The following DNAH17 variants were observed in gnomAD, a reference collection of about 807,000 sequenced individuals.
DNAH17 encodes dynein axonemal heavy chain 17.
A neutral mutation model predicts 485.6 loss-of-function variants in DNAH17; 376 were observed. The observed-to-expected ratio is 0.77, with a 90% confidence interval of 0.71 to 0.84. The LOEUF (loss-of-function observed/expected upper bound fraction) is 0.84. DNAH17 is among the 40% of genes least tolerant of loss of function. The pLI is 0.00. For synonymous variants in DNAH17, 3,031 were observed against 2,405.9 expected, an observed-to-expected ratio of 1.26 and a Z score of -7.60; for missense variants, 6,370 against 5,839.3, an observed-to-expected ratio of 1.09 and a Z score of -2.96.
intron 48 of DNAH17, among the ~76,000 whole-genome samples, chr17:78,482,665 G>A (rs1568126872): frequency 1.3e-5 from 2 of 152,020 alleles, no homozygotes; most frequent in South Asian, 4.1e-4. Context: ...CTTTCCCTGC[G>A]GGCCCATCCT....
At chr17:78,556,634 A>G (rs1279600050) in intron 14 of DNAH17, among the ~76,000 whole-genome samples, 2 of 152,140 alleles carry the variant, frequency 1.3e-5, no homozygotes, top group East Asian at 3.9e-4. Context: ...TGGTGTCTAG[A>G]AGGAGGACAA....
intron 13 of DNAH17, among the ~76,000 whole-genome samples, chr17:78,559,494 A>G (rs1227054215): frequency 6.6e-6 from 1 of 152,194 alleles, no homozygotes; most frequent in African/African-American, 2.4e-5. Flanking sequence ...ATTCAAGTCC[A>G]GAAGCTCACC....
intron 54 of DNAH17, among the ~76,000 whole-genome samples, chr17:78,472,061 C>T (rs572416318): frequency 1.3e-5 from 2 of 152,344 alleles, no homozygotes; most frequent in African/African-American, 2.4e-5. Context: ...CGGCAATCGT[C>T]ACCTGTATCT....
rs1398205517 is a variant in DNAH17 at position 78,537,619 on chromosome 17, C to T, written c.2677-138G>A. ...CTGGGAAGCTTCTGAGAGCTCGTGTCTCAGCGCACCCCGCTCCTTGAGCAA... is the reference window on the plus strand; with the variant it reads ...CTGGGAAGCTTCTGAGAGCTCGTGTTTCAGCGCACCCCGCTCCTTGAGCAA... On this transcript the variant is annotated intron_variant, in intron 18 of 80. Coordinates refer to ENST00000389840, the MANE Select transcript of DNAH17 (RefSeq NM_173628.4). 1.8e-5 allele frequency: 19 copies of T among 1,035,090 alleles called. No individual in the cohort carries two copies. The East Asian group carries it at 5.0e-4, about 27-fold the overall frequency. The allele number at this position is 1,035,090 out of a possible 1,614,324, so 64.1% of individuals were successfully genotyped here.
At chr17:78,551,118 T>C (rs1486346425) in intron 16 of DNAH17, among the ~76,000 whole-genome samples, 1 of 152,124 alleles carries the variant, frequency 6.6e-6, no homozygotes, top group East Asian at 1.9e-4. Context: ...TTTTTGCACA[T>C]TAGAGCATCA....
At chr17:78,531,380 C>G (rs2091234149) in intron 20 of DNAH17, among the ~76,000 whole-genome samples, 1 of 144,848 alleles carries the variant, frequency 6.9e-6, no homozygotes, top group South Asian at 2.2e-4. Flanking sequence ...TGCTCTGTCA[C>G]CAGGCTGGAG....
chr17:78,514,369 G>T (rs185150313), intron 26 of DNAH17, among the ~76,000 whole-genome samples: 1 of 152,068 alleles, frequency 6.6e-6, no homozygotes, highest in East Asian at 1.9e-4. Context: ...GCTGGGTGTG[G>T]TGGTGGGTGC....
chr17:78,439,975 T>G (rs2087005690), intron 72 of DNAH17, among the ~76,000 whole-genome samples: 1 of 151,546 alleles, frequency 6.6e-6, no homozygotes, highest in Non-Finnish European at 1.5e-5. Flanking sequence ...TGGCCTCACT[T>G]TTTTTTGAGA....
chr17:78,461,734 G>C lies in DNAH17; in HGVS notation c.9175-26C>G, dbSNP rs527653725. 136 of 1,596,862 alleles carry C rather than the reference G, an allele frequency of 8.5e-5. 1 individual carries two copies. In the South Asian group the frequency reaches 1.4e-3, roughly 17 times the overall value. ...CTGGGGAAGGAGAAACCGAGAAACA[G>C]CAAGTGTGGGCCGCAGCCGACACAC... On this transcript the variant is annotated intron_variant, in intron 57 of 80. Transcript: ENST00000389840.
chr17:78,535,516 G>A (rs770124443), intron 19 of DNAH17, among the ~76,000 whole-genome samples: 6 of 152,130 alleles, frequency 3.9e-5, no homozygotes, highest in Non-Finnish European at 8.8e-5. Flanking sequence ...GGGCACATAT[G>A]CATCCAAGCA....
intron 14 of DNAH17, among the ~76,000 whole-genome samples, chr17:78,553,232 G>A (rs1429741720): frequency 2.8e-5 from 4 of 145,010 alleles, no homozygotes; most frequent in Admixed American, 7.0e-5. Context: ...GCAGAGCCAT[G>A]AGCTAATTAA....
Position 78,423,793 on chromosome 17 carries a change from A to G in DNAH17, c.*113T>C. 7.3e-7 allele frequency: 1 copy of G among 1,376,912 alleles called. No individual in the cohort carries two copies. Among genetic ancestry groups the G allele is most frequent in the South Asian group, 1.3e-5 (1 of 75,342 alleles). 85.3% of individuals were successfully genotyped at this position (1,376,912 alleles called of 1,614,324 possible). The stretch of plus-strand genomic sequence containing the variant: ...TTGGTTACAAAGCACCTGATTATTT[A>G]AGAGAACGAAAAACCACCACCAGTT... On this transcript the variant is annotated 3_prime_UTR_variant, in exon 81 of 81. Transcript: ENST00000389840.
At chr17:78,501,931 C>T in intron 33 of DNAH17, 58 bp from the exon 34 acceptor site, 1 of 1,604,260 alleles carries the variant, frequency 6.2e-7, no homozygotes, top group Middle Eastern at 1.7e-4. Flanking sequence ...ACTGGGGGGT[C>T]TTGTGGCTGG....
intron 27 of DNAH17, among the ~76,000 whole-genome samples, chr17:78,508,974 T>TC (rs1351691040): frequency 6.7e-6 from 1 of 148,476 alleles, no homozygotes; most frequent in East Asian, 2.0e-4. Flanking sequence ...CAGCTGTTTT[T>TC]TTTTTTTTTT....
At chr17:78,541,862 T>C (rs1439502276) in intron 17 of DNAH17, among the ~76,000 whole-genome samples, 1 of 152,180 alleles carries the variant, frequency 6.6e-6, no homozygotes, top group Non-Finnish European at 1.5e-5. Flanking sequence ...GTAACATTTT[T>C]GCAGTTTAGC....
chr17:78,516,201 T>A (rs944160232), intron 25 of DNAH17, among the ~76,000 whole-genome samples: 1 of 152,244 alleles, frequency 6.6e-6, no homozygotes, highest in African/African-American at 2.4e-5. Flanking sequence ...TTACCCTGCA[T>A]CCTATTATCA....
rs1421494855 is a variant in DNAH17 at position 78,458,694 on chromosome 17, T to C, written c.9862-14A>G. 1.2e-6 allele frequency: 2 copies of C among 1,609,620 alleles called. No homozygotes were observed. On this transcript the variant is annotated splice_polypyrimidine_tract_variant and intron_variant, in intron 61 of 80. Transcript: ENST00000389840. ...GGCGTTAAGTTCCTGCAAAACCAAG[T>C]TGGAAAGCTGCTGGAAAACCCCACG...
chr17:78,551,576 T>C lies in DNAH17; in HGVS notation c.2350A>G (p.Lys784Glu). 1 of 1,614,032 alleles carries C rather than the reference T, an allele frequency of 6.2e-7. No individual in the cohort carries two copies. The highest frequency in any genetic ancestry group is 8.5e-7 in the Non-Finnish European group (1 of 1,179,898). The change falls in exon 16 of 81, where the codon AAG becomes GAG. Residue 784 changes from lysine (K) to glutamate (E), a missense_variant. Coordinates refer to ENST00000389840, the MANE Select transcript of DNAH17 (RefSeq NM_173628.4). ...ILHNLQNRMQ[K>E]AKQNIEGISQ... ...ATTCCTTCTATATTTTGTTTTGCCT[T>C]TTGCATCCTGTTCTGCAAGTTGTGC...
At chr17:78,530,754 G>A (rs1481425535) in intron 20 of DNAH17, among the ~76,000 whole-genome samples, 2 of 152,194 alleles carry the variant, frequency 1.3e-5, no homozygotes, top group African/African-American at 4.8e-5. Context: ...GGGGCAGAAG[G>A]GGTCATGGCA....
Sources: allele counts gnomAD v4.1 joint callset (sites outside exome capture counted in the v4.1 genomes callset), GRCh38; gene constraint gnomAD v4.1.1; transcripts MANE v1.5; gene names NCBI Gene and HGNC (gene_info 2026-07-23, HGNC 2026-07-21).